Variants in MOGAT2 observed in about 807,000 individuals in gnomAD.
MOGAT2 encodes the protein monoacylglycerol O-acyltransferase 2.
A neutral mutation model predicts 31.5 loss-of-function variants in MOGAT2; 27 were observed. That is an observed-to-expected ratio of 0.86 (90% CI 0.63 to 1.18). The LOEUF (loss-of-function observed/expected upper bound fraction) is 1.18. Ranked by LOEUF, MOGAT2 falls within the 50% of genes most tolerant of loss-of-function variation. The pLI is 0.00. For missense variants in MOGAT2, 436 were observed against 433.2 expected, an observed-to-expected ratio of 1.01 and a Z score of -0.06; for synonymous variants, 163 against 170.0, an observed-to-expected ratio of 0.96 and a Z score of 0.32.
intron 2 of MOGAT2, among the ~76,000 whole-genome samples, chr11:75,725,291 C>T (rs1944411941): frequency 6.6e-6 from 1 of 152,112 alleles, no homozygotes; most frequent in South Asian, 2.1e-4. Flanking sequence ...CGGAGGCTCA[C>T]ACCTGTACTT....
At chr11:75,719,938 C>T in intron 1 of MOGAT2, 54 bp from the exon 2 acceptor site, 1 of 1,571,762 alleles carries the variant, frequency 6.4e-7, no homozygotes, top group Non-Finnish European at 8.7e-7. Flanking sequence ...TGAGCAATCT[C>T]ACCTGCCTTC....
intron 2 of MOGAT2, among the ~76,000 whole-genome samples, chr11:75,721,135 A>G (rs1267806306): frequency 6.6e-6 from 1 of 152,040 alleles, no homozygotes; most frequent in African/African-American, 2.4e-5. Flanking sequence ...TTCTGATCCC[A>G]AGTCTGCCCC....
chr11:75,729,748 T>TG lies in MOGAT2; in HGVS notation c.850+759_850+760insG, dbSNP rs531136223. Among the ~76,000 whole-genome samples the TG allele has an allele frequency of 8.4e-4, 117 of 139,556 alleles. 2 individuals are homozygous for TG. The highest frequency in any genetic ancestry group is 3.8e-3 in the South Asian group (16 of 4,192). 91.6% of individuals were successfully genotyped at this position (139,556 alleles called of 152,430 possible). A position where few individuals can be genotyped will look rare whatever the true frequency, so the allele number is the denominator to read the frequency against. On this transcript the variant is annotated intron_variant, in intron 5 of 5. Transcript: ENST00000198801. ...AGAAGGAGGGTTTAATTCTTTTTTT[T>TG]TTTTGTTTTTTTTTGAGACAGAGTC...
chr11:75,727,703 T>C (rs1944434236), intron 3 of MOGAT2, 64 bp downstream of exon 3: 1 of 1,472,174 alleles, frequency 6.8e-7, no homozygotes. Context: ...TTGCCAATAG[T>C]TCTGTACTTC....
chr11:75,723,121 C>T (rs1944391322), intron 2 of MOGAT2, among the ~76,000 whole-genome samples: 1 of 151,960 alleles, frequency 6.6e-6, no homozygotes, highest in South Asian at 2.1e-4. Context: ...GCCACCACTC[C>T]CGGCTGATTT....
intron 4 of MOGAT2, chr11:75,728,569 T>C (rs886477634): frequency 8.4e-6 from 5 of 593,716 alleles, no homozygotes; most frequent in African/African-American, 7.4e-5. Context: ...CTACCTCTCA[T>C]GGTGCAACTG....
Position 75,727,553 on chromosome 11 carries a change from C to T in MOGAT2, c.389C>T (p.Ser130Leu), listed in dbSNP as rs779542055. ...TGCACTGAGAGCACAGGCTTCTCTTCGATCTTCCCCGGTATCCGCCCCCAT... is the reference window on the plus strand; with the variant it reads ...TGCACTGAGAGCACAGGCTTCTCTTTGATCTTCCCCGGTATCCGCCCCCAT... ...NLCTESTGFS[S>L]IFPGIRPHLM... The change falls in exon 3 of 6, where the codon TCG (serine) becomes TTG (leucine). Residue 130 changes from serine to leucine, a missense_variant. Ser to Leu is a moderately radical substitution (Grantham distance 145, BLOSUM62 -2). Coordinates refer to ENST00000198801, the MANE Select transcript of MOGAT2 (RefSeq NM_025098.4). 3.1e-6 allele frequency: 5 copies of T among 1,614,056 alleles called. No homozygotes were observed. Among genetic ancestry groups the T allele is most frequent in the East Asian group, 2.2e-5 (1 of 44,894 alleles).
chr11:75,731,227 T>G lies in MOGAT2; in HGVS notation c.946T>G (p.Phe316Val). Residue 316 changes from phenylalanine to valine, a missense_variant, in exon 6 of 6, where the codon TTC becomes GTC. Coordinates refer to ENST00000198801, the MANE Select transcript of MOGAT2 (RefSeq NM_025098.4). ...QRYIKELCNL[F>V]EAHKLKFNIP... ...TTATATCAAAGAGCTGTGCAACCTC[T>G]TCGAGGCCCACAAACTTAAGTTCAA... The G allele has an allele frequency of 6.2e-7, 1 of 1,614,166 alleles. No individual in the cohort carries two copies. Among genetic ancestry groups the G allele is most frequent in the Non-Finnish European group, 8.5e-7 (1 of 1,180,034 alleles).
intron 3 of MOGAT2, 92 bp from the exon 4 acceptor site, chr11:75,727,878 A>T: frequency 1.5e-6 from 2 of 1,331,916 alleles, no homozygotes; most frequent in Non-Finnish European, 2.1e-6. Context: ...AGGCCTCAGT[A>T]GGCATTGCTG....
At chr11:75,721,160 G>A (rs1349926652) in intron 2 of MOGAT2, among the ~76,000 whole-genome samples, 2 of 152,104 alleles carry the variant, frequency 1.3e-5, no homozygotes, top group African/African-American at 2.4e-5. Context: ...CATATCAGCT[G>A]TATGATCGTA....
chr11:75,717,999 A>G lies in MOGAT2; in HGVS notation c.91+20A>G, dbSNP rs748460232. 3.7e-6 allele frequency: 6 copies of G among 1,611,318 alleles called. No homozygotes were observed. The East Asian group carries it at 1.3e-4, about 36-fold the overall frequency. On this transcript the variant is annotated intron_variant, in intron 1 of 5. Transcript: ENST00000198801. ...CACTGGGTAAGTTGGGCTGCACTGT[A>G]AGACGGGAGACCACCGCACTCAGGT... is the stretch of plus-strand genomic sequence containing the variant.
At position 75,717,985 on chromosome 11, in the gene MOGAT2, T is replaced by C. The variant is rs951329022; in HGVS notation, c.91+6T>C. The C allele has an allele frequency of 6.2e-7, 1 of 1,613,970 alleles. No individual in the cohort carries two copies. The highest frequency in any genetic ancestry group is 8.5e-7 in the Non-Finnish European group (1 of 1,179,886). On this transcript the variant is annotated splice_donor_region_variant and intron_variant, in intron 1 of 5. Coordinates refer to ENST00000198801, the MANE Select transcript of MOGAT2 (RefSeq NM_025098.4). ...CTTCTCCTTCTTGGCACTGGGTAAGTTGGGCTGCACTGTAAGACGGGAGAC... is the reference window on the plus strand; with the variant it reads ...CTTCTCCTTCTTGGCACTGGGTAAGCTGGGCTGCACTGTAAGACGGGAGAC...
rs796734658 is a variant in MOGAT2 at position 75,731,156 on chromosome 11, A to G, written c.875A>G (p.Lys292Arg). The G allele has an allele frequency of 1.2e-6, 2 of 1,614,018 alleles. No homozygotes were observed. Among genetic ancestry groups the G allele is most frequent in the African/African-American group, 1.3e-5 (1 of 74,982 alleles). ...GTGGGGAAGCCCATCGAGGTACAGA[A>G]GACGCTGCATCCCTCGGAGGAGGAG... is the stretch of plus-strand genomic sequence containing the variant. ...TVVGKPIEVQ[K>R]TLHPSEEEVN... The change falls in exon 6 of 6, where the codon AAG (lysine) becomes AGG (arginine). Residue 292 changes from lysine to arginine, a missense_variant. Physicochemically the swap from Lys to Arg is conservative, Grantham distance 26. Coordinates refer to ENST00000198801, the MANE Select transcript of MOGAT2 (RefSeq NM_025098.4).
At chr11:75,729,777 C>A (rs1944459056) in intron 5 of MOGAT2, among the ~76,000 whole-genome samples, 1 of 122,740 alleles carries the variant, frequency 8.1e-6, no homozygotes, top group Non-Finnish European at 1.6e-5. Flanking sequence ...CAGAGTCCTG[C>A]TCTGTTGCCC....
At chr11:75,724,715 C>T (rs1355074747) in intron 2 of MOGAT2, among the ~76,000 whole-genome samples, 1 of 152,022 alleles carries the variant, frequency 6.6e-6, no homozygotes, top group Non-Finnish European at 1.5e-5. Flanking sequence ...GTCCTCATTC[C>T]ACATCATGTC....
rs180997810 is a variant in MOGAT2, at chr11:75,726,074, C to A, written c.271-1361C>A. Among the ~76,000 whole-genome samples, 259 of 152,342 alleles carry A rather than the reference C, an allele frequency of 1.7e-3. 2 individuals are homozygous for A. Among genetic ancestry groups the A allele is most frequent in the African/African-American group, 6.1e-3 (252 of 41,578 alleles). On this transcript the variant is annotated intron_variant, in intron 2 of 5. Coordinates refer to ENST00000198801, the MANE Select transcript of MOGAT2 (RefSeq NM_025098.4). The stretch of plus-strand genomic sequence containing the variant: ...TTGTTAACTGCATTTCTTCCCCTTT[C>A]ACCTTCACCCCACTTCACCTAGAAG...
rs146143219 is a variant in MOGAT2, at chr11:75,723,634, G to A, written c.270+3464G>A. Reference sequence around the variant, plus strand: ...GAGATGGAGTCTCACTGTGTTGCCAGGCTGCTTGGCCTCCCAAAATGCTGA... The same window carrying A: ...GAGATGGAGTCTCACTGTGTTGCCAAGCTGCTTGGCCTCCCAAAATGCTGA... On this transcript the variant is annotated intron_variant, in intron 2 of 5. Coordinates refer to ENST00000198801, the MANE Select transcript of MOGAT2 (RefSeq NM_025098.4). 5.1e-3 allele frequency among the ~76,000 whole-genome samples: 784 copies of A among 152,262 alleles called. 10 individuals carry two copies. Among genetic ancestry groups the A allele is most frequent in the African/African-American group, 0.018 (727 of 41,532 alleles).
rs911467320 is a variant in MOGAT2 at position 75,720,248 on chromosome 11, G to A, written c.270+78G>A. 3.4e-6 allele frequency: 5 copies of A among 1,480,920 alleles called. No individual in the cohort carries two copies. In the African/African-American group the frequency reaches 5.6e-5, roughly 16 times the overall value. The allele number at this position is 1,480,920 out of a possible 1,614,324, so 91.7% of individuals were successfully genotyped here. A position where few individuals can be genotyped will look rare whatever the true frequency, so the allele number is the denominator to read the frequency against. On this transcript the variant is annotated intron_variant, in intron 2 of 5. Transcript: ENST00000198801. ...AGGGCCAGAGTGCCGACGTCTCCAT[G>A]GGAGAATATGGCCCTGCATGCACTG...
rs745853807 is a variant in MOGAT2, at chr11:75,728,817, C to A, written c.678C>A (p.Phe226Leu). ...CACCCCTGGTGCCAATCTTCTCCTTCGGGGAGAATGACCTATTTGACCAGA... is the reference window on the plus strand; with the variant it reads ...CACCCCTGGTGCCAATCTTCTCCTTAGGGGAGAATGACCTATTTGACCAGA... ...HGAPLVPIFS[F>L]GENDLFDQIP... Residue 226 changes from phenylalanine to leucine, a missense_variant, in exon 5 of 6, where the codon TTC becomes TTA. By Grantham distance (22) the Phe-to-Leu change is conservative. Transcript: ENST00000198801. The A allele has an allele frequency of 2.5e-6, 4 of 1,614,216 alleles. No individual in the cohort carries two copies. The East Asian group carries it at 6.7e-5, about 27-fold the overall frequency.
Sources: gnomAD v4.1 joint callset for allele counts (sites outside exome capture counted in the v4.1 genomes callset) on GRCh38, gnomAD v4.1.1 for gene constraint, MANE v1.5 for transcripts, NCBI Gene and HGNC (gene_info 2026-07-23, HGNC 2026-07-21) for gene names.